The following MBD2 variants were observed in gnomAD, a reference collection of about 807,000 sequenced individuals.
MBD2 encodes the protein methyl-CpG-binding domain protein 2.
Under a neutral mutation model 39.3 loss-of-function variants are expected in MBD2, and 9 were observed. The ratio of observed to expected loss-of-function variants is 0.23; its 90% CI spans 0.14 to 0.40. The LOEUF is 0.40. Among genes scored for constraint, MBD2 ranks in the 10% least tolerant of loss-of-function variants. MBD2 has a pLI of 1.00. For missense variants in MBD2, 458 were observed against 532.6 expected, an observed-to-expected ratio of 0.86 and a Z score of 1.38; for synonymous variants, 233 against 211.1, an observed-to-expected ratio of 1.10 and a Z score of -0.90.
chr18:54,161,353 G>C (rs184466273), intron 5 of MBD2, among the ~76,000 whole-genome samples: 1 of 152,324 alleles, frequency 6.6e-6, no homozygotes, highest in East Asian at 1.9e-4. Flanking sequence ...TATAGCCTCT[G>C]TCATATTAAA....
intron 3 of MBD2, among the ~76,000 whole-genome samples, chr18:54,182,844 A>G (rs1052293232): frequency 1.2e-4 from 19 of 152,088 alleles, no homozygotes; most frequent in African/African-American, 4.3e-4. Flanking sequence ...AGGTGGGAGC[A>G]TCACTTGAGC....
intron 1 of MBD2, among the ~76,000 whole-genome samples, chr18:54,208,280 TTCGGGAGTTTGCGACCAGCCTGACCAA>T: frequency 6.6e-6 from 1 of 151,770 alleles, no homozygotes; most frequent in Non-Finnish European, 1.5e-5. Context: ...ATCACCTGAG[TTCGGGAGTTTGCGACCAGCCTGACCAA>T]CATGGAGAAA....
At chr18:54,172,634 G>A (rs1202083643) in intron 3 of MBD2, among the ~76,000 whole-genome samples, 2 of 151,772 alleles carry the variant, frequency 1.3e-5, no homozygotes, top group African/African-American at 4.8e-5. Flanking sequence ...TCTCTGTTGT[G>A]TTAAAAAAAA....
At chr18:54,210,555 A>T (rs2086495119) in intron 1 of MBD2, among the ~76,000 whole-genome samples, 2 of 152,230 alleles carry the variant, frequency 1.3e-5, no homozygotes, top group African/African-American at 4.8e-5. Context: ...TAACATGGAT[A>T]ATCATAATGT....
intron 1 of MBD2, among the ~76,000 whole-genome samples, chr18:54,208,942 G>A (rs776662385): frequency 6.6e-6 from 1 of 152,150 alleles, no homozygotes; most frequent in Non-Finnish European, 1.5e-5. Flanking sequence ...ATCTAGATTA[G>A]CAGTTCATCA....
chr18:54,195,051 G>A (rs553401408), intron 2 of MBD2, among the ~76,000 whole-genome samples: 2 of 152,138 alleles, frequency 1.3e-5, no homozygotes, highest in African/African-American at 4.8e-5. Context: ...AAAAAATAAT[G>A]TGTACTTCTA....
chr18:54,190,244 T>G (rs1053623099), intron 2 of MBD2, among the ~76,000 whole-genome samples: 15 of 152,300 alleles, frequency 9.8e-5, no homozygotes, highest in African/African-American at 3.4e-4. Context: ...CATTTTGTTA[T>G]AACGATGAGA....
At chr18:54,192,611 G>C (rs990690157) in intron 2 of MBD2, among the ~76,000 whole-genome samples, 3 of 152,176 alleles carry the variant, frequency 2.0e-5, no homozygotes, top group East Asian at 1.9e-4. Flanking sequence ...TAGACACACA[G>C]AAGTATTTGC....
chr18:54,209,741 C>T (rs1378667605), intron 1 of MBD2, among the ~76,000 whole-genome samples: 2 of 152,112 alleles, frequency 1.3e-5, no homozygotes, highest in Admixed American at 1.3e-4. Context: ...GGAATTCTGC[C>T]CATGAGATGA....
intron 1 of MBD2, among the ~76,000 whole-genome samples, chr18:54,214,230 C>T (rs1215259117): frequency 3.3e-5 from 5 of 151,366 alleles, no homozygotes; most frequent in African/African-American, 1.2e-4. Context: ...GGGTCTCACT[C>T]TGTTGCCCAG....
chr18:54,219,274 T>A (rs2144354551), intron 1 of MBD2, among the ~76,000 whole-genome samples: 1 of 152,348 alleles, frequency 6.6e-6, no homozygotes, highest in Non-Finnish European at 1.5e-5. Context: ...TGCATAGCCT[T>A]ATTAATAAAA....
At chr18:54,183,476 G>C (rs1462450328) in intron 3 of MBD2, among the ~76,000 whole-genome samples, 1 of 152,158 alleles carries the variant, frequency 6.6e-6, no homozygotes, top group Non-Finnish European at 1.5e-5. Context: ...GGAAAACAAA[G>C]AAAGTGTAGA....
intron 5 of MBD2, among the ~76,000 whole-genome samples, chr18:54,162,011 C>A (rs968258731): frequency 3.9e-5 from 6 of 152,196 alleles, no homozygotes; most frequent in Non-Finnish European, 8.8e-5. Context: ...GGAGCTAAGA[C>A]AGCCACCATC....
intron 2 of MBD2, among the ~76,000 whole-genome samples, chr18:54,195,496 T>A (rs185425794): frequency 2.0e-4 from 30 of 152,148 alleles, no homozygotes; most frequent in Non-Finnish European, 3.5e-4. Context: ...ATACTCCAAT[T>A]TGAGAAGCAG....
chr18:54,178,160 C>CA (rs1306444447), intron 3 of MBD2, among the ~76,000 whole-genome samples: 4 of 151,942 alleles, frequency 2.6e-5, no homozygotes, highest in African/African-American at 9.7e-5. Flanking sequence ...TTTTTAATAC[C>CA]AATACATCGA....
chr18:54,157,512 C>G (rs1333440624), intron 6 of MBD2, among the ~76,000 whole-genome samples: 2 of 152,174 alleles, frequency 1.3e-5, no homozygotes, highest in South Asian at 2.1e-4. Context: ...CCATCCACCT[C>G]AGCCTCCCAA....
chr18:54,185,779 T>C (rs769625283), intron 3 of MBD2, among the ~76,000 whole-genome samples: 2 of 152,142 alleles, frequency 1.3e-5, no homozygotes, highest in Non-Finnish European at 2.9e-5. Flanking sequence ...AATCATCAAA[T>C]ACACTGATGC....
At chr18:54,204,920 G>T in intron 2 of MBD2, 78 bp downstream of exon 2, 4 of 1,432,776 alleles carry the variant, frequency 2.8e-6, no homozygotes, top group Non-Finnish European at 3.8e-6. Flanking sequence ...CAAAATTCCA[G>T]TCACTTAATT....
At chr18:54,201,141 C>T (rs1391382188) in intron 2 of MBD2, among the ~76,000 whole-genome samples, 3 of 152,146 alleles carry the variant, frequency 2.0e-5, no homozygotes, top group African/African-American at 7.2e-5. Context: ...CACTCAACAG[C>T]CACCTGTGGC....
Sources: allele counts gnomAD v4.1 joint callset (sites outside exome capture counted in the v4.1 genomes callset), GRCh38; gene constraint gnomAD v4.1.1; transcripts MANE v1.5; gene names NCBI Gene and HGNC (gene_info 2026-07-23, HGNC 2026-07-21).